Variants in ERBB4 observed in about 807,000 individuals in gnomAD.
ERBB4 encodes receptor tyrosine-protein kinase erbB-4.
ERBB4 carries 42 observed loss-of-function variants against 158.0 expected under a neutral mutation model. The ratio of observed to expected loss-of-function variants is 0.27; its 90% confidence interval spans 0.21 to 0.34. ERBB4 has a LOEUF of 0.34. Among genes scored for constraint, ERBB4 ranks in the 10% least tolerant of loss-of-function variants. The pLI is 1.00. For missense variants in ERBB4, 1,333 were observed against 1,624.1 expected, an observed-to-expected ratio of 0.82 and a Z score of 3.08; for synonymous variants, 583 against 558.7, an observed-to-expected ratio of 1.04 and a Z score of -0.61.
At chr2:212,491,541 T>G (rs1214956078) in intron 1 of ERBB4, among the ~76,000 whole-genome samples, 1 of 151,752 alleles carries the variant, frequency 6.6e-6, no homozygotes, top group South Asian at 2.1e-4. Flanking sequence ...TGAAAAACAT[T>G]ATGCTTGAAA....
At chr2:211,830,541 T>C (rs1308843255) in intron 3 of ERBB4, among the ~76,000 whole-genome samples, 2 of 152,158 alleles carry the variant, frequency 1.3e-5, no homozygotes, top group Admixed American at 1.3e-4. Flanking sequence ...TTTCCTACTG[T>C]TAACAATATA....
chr2:211,711,864 G>C (rs2073713569), intron 9 of ERBB4, among the ~76,000 whole-genome samples, 186 bp downstream of exon 9: 1 of 152,062 alleles, frequency 6.6e-6, no homozygotes, highest in Non-Finnish European at 1.5e-5. Context: ...ACTAAAGTTT[G>C]AGCACATTCC....
intron 3 of ERBB4, among the ~76,000 whole-genome samples, chr2:211,859,732 T>C (rs1195115678): frequency 5.9e-5 from 9 of 152,184 alleles, no homozygotes; most frequent in African/African-American, 4.8e-5. Context: ...TTATCTCATA[T>C]TGGATATGAA....
At chr2:211,413,814 G>A (rs2063321564) in intron 25 of ERBB4, among the ~76,000 whole-genome samples, 1 of 151,904 alleles carries the variant, frequency 6.6e-6, no homozygotes, top group South Asian at 2.1e-4. Flanking sequence ...GGGTGAGGAA[G>A]GTGGAATGTA....
chr2:212,474,842 T>A, intron 1 of ERBB4, among the ~76,000 whole-genome samples: 1 of 125,454 alleles, frequency 8.0e-6, no homozygotes, highest in African/African-American at 3.1e-5. Context: ...TTTTTTTTTG[T>A]CAAGACAAGG....
chr2:211,864,963 A>G (rs1162346422), intron 3 of ERBB4, among the ~76,000 whole-genome samples: 1 of 152,132 alleles, frequency 6.6e-6, no homozygotes, highest in African/African-American at 2.4e-5. Context: ...TTGAGCCAAG[A>G]TTGAGTCACT....
At chr2:211,460,693 C>T (rs926509425) in intron 20 of ERBB4, among the ~76,000 whole-genome samples, 1 of 152,008 alleles carries the variant, frequency 6.6e-6, no homozygotes, top group Non-Finnish European at 1.5e-5. Context: ...GCCAGGGTGG[C>T]TTCCTATGTA....
intron 3 of ERBB4, among the ~76,000 whole-genome samples, chr2:211,827,728 T>A (rs1204450142): frequency 6.6e-6 from 1 of 152,106 alleles, no homozygotes; most frequent in Non-Finnish European, 1.5e-5. Flanking sequence ...ATCTAGACTT[T>A]ATATGTATAT....
rs139944841 is a variant in ERBB4 at position 212,110,696 on chromosome 2, G to T, written c.234+14056C>A. On this transcript the variant is annotated intron_variant, in intron 2 of 27. Coordinates refer to ENST00000342788, the MANE Select transcript of ERBB4 (RefSeq NM_005235.3). ...TCAAATTAGCTCCTGCAATAAAAAA[G>T]CTCTTCATCTTAATTCTAAATGCAT... Among the ~76,000 whole-genome samples, 616 of 152,296 alleles carry T rather than the reference G, an allele frequency of 4.0e-3. 3 individuals are homozygous for T. Among genetic ancestry groups the T allele is most frequent in the African/African-American group, 0.014 (568 of 41,564 alleles).
chr2:211,736,683 A>G (rs2074612935), intron 5 of ERBB4, among the ~76,000 whole-genome samples: 1 of 152,154 alleles, frequency 6.6e-6, no homozygotes, highest in Non-Finnish European at 1.5e-5. Flanking sequence ...GCCTGCCATA[A>G]TGCCTTATCT....
chr2:212,170,211 G>C (rs144539194), intron 1 of ERBB4, among the ~76,000 whole-genome samples: 2 of 152,302 alleles, frequency 1.3e-5, no homozygotes, highest in East Asian at 3.9e-4. Flanking sequence ...GGTGGTCTCA[G>C]ATGGAGATGA....
intron 16 of ERBB4, among the ~76,000 whole-genome samples, chr2:211,646,963 C>T (rs948628294): frequency 6.6e-6 from 1 of 151,506 alleles, no homozygotes; most frequent in Non-Finnish European, 1.5e-5. Flanking sequence ...TTTAATATTC[C>T]AGACCATCTG....
At chr2:212,074,717 G>C (rs909413169) in intron 2 of ERBB4, among the ~76,000 whole-genome samples, 1 of 151,852 alleles carries the variant, frequency 6.6e-6, no homozygotes, top group African/African-American at 2.4e-5. Context: ...TTGGTGCTAT[G>C]ATTCTAAGGA....
chr2:211,851,640 T>C (rs929928646), intron 3 of ERBB4, among the ~76,000 whole-genome samples: 2 of 151,908 alleles, frequency 1.3e-5, no homozygotes, highest in Admixed American at 1.3e-4. Context: ...AAAATAATCA[T>C]TGTTATAAGG....
Position 211,808,690 on chromosome 2 carries a change from T to C in ERBB4, c.422-20531A>G, listed in dbSNP as rs912151040. Among the ~76,000 whole-genome samples the C allele has an allele frequency of 7.2e-5, 11 of 152,236 alleles. 1 individual carries two copies. The highest frequency in any genetic ancestry group is 6.5e-4 in the Admixed American group (10 of 15,280). On this transcript the variant is annotated intron_variant, in intron 3 of 27. Transcript: ENST00000342788. ...AAAGTCATTGGTAGCTTCATGGGGA[T>C]GGCATTGAATCTATAAATCACTTCG... is the stretch of plus-strand genomic sequence containing the variant.
intron 1 of ERBB4, among the ~76,000 whole-genome samples, chr2:212,260,197 G>A (rs978360195): frequency 1.1e-4 from 17 of 152,056 alleles, no homozygotes; most frequent in African/African-American, 4.1e-4. Flanking sequence ...GTTTTTAAAT[G>A]AAACTGTCTG....
At chr2:212,519,309 T>C (rs1454188774) in intron 1 of ERBB4, among the ~76,000 whole-genome samples, 1 of 152,022 alleles carries the variant, frequency 6.6e-6, no homozygotes, top group Non-Finnish European at 1.5e-5. Flanking sequence ...AACTTTGAGT[T>C]ACAGGTTTTA....
In ERBB4 at chr2:212,500,601, AC is replaced by A. The variant is rs1453430944; in HGVS notation, c.82+37847del. Among the ~76,000 whole-genome samples, 3 of 152,252 alleles carry A rather than the reference AC, an allele frequency of 2.0e-5. No individual in the cohort carries two copies. The East Asian group carries it at 5.8e-4, about 29-fold the overall frequency. The stretch of plus-strand genomic sequence containing the variant: ...GGGTTGATGGCAGGAAAGGGCAATA[AC>A]TTTTGTCCCACAATGCAGACATGTT... On this transcript the variant is annotated intron_variant, in intron 1 of 27. Coordinates refer to ENST00000342788, the MANE Select transcript of ERBB4 (RefSeq NM_005235.3).
intron 2 of ERBB4, among the ~76,000 whole-genome samples, chr2:212,106,505 G>A (rs1014626942): frequency 1.3e-5 from 2 of 152,226 alleles, no homozygotes; most frequent in South Asian, 2.1e-4. Context: ...AAGGGAAATA[G>A]AGCATAAAAG....
Sources: allele counts gnomAD v4.1 joint callset (sites outside exome capture counted in the v4.1 genomes callset), GRCh38; gene constraint gnomAD v4.1.1; transcripts MANE v1.5; gene names NCBI Gene and HGNC (gene_info 2026-07-23, HGNC 2026-07-21).